The following CHRM3 variants were observed in gnomAD, a reference collection of about 807,000 sequenced individuals.
CHRM3 encodes cholinergic receptor muscarinic 3, also known as muscarinic acetylcholine receptor M3.
Under a neutral mutation model 41.8 loss-of-function variants are expected in CHRM3, and 11 were observed. That is an observed-to-expected ratio of 0.26 (90% CI 0.17 to 0.44). CHRM3 has a LOEUF of 0.44. Among genes scored for constraint, CHRM3 ranks in the 20% least tolerant of loss-of-function variants. The probability of loss-of-function intolerance (pLI) is 1.00; values close to 1 mark genes in which losing one functional copy is unlikely to be tolerated. For synonymous variants in CHRM3, 297 were observed against 301.4 expected, an observed-to-expected ratio of 0.99 and a Z score of 0.15; for missense variants, 571 against 745.4, an observed-to-expected ratio of 0.77 and a Z score of 2.72.
intron 1 of CHRM3, among the ~76,000 whole-genome samples, chr1:239,489,305 A>G (rs953646678): frequency 6.6e-6 from 1 of 151,966 alleles, no homozygotes; most frequent in Non-Finnish European, 1.5e-5. Flanking sequence ...CCAGCTACTC[A>G]GGAGGCTGAG....
intron 4 of CHRM3, among the ~76,000 whole-genome samples, chr1:239,651,877 G>A (rs920189964): frequency 4.6e-5 from 7 of 151,986 alleles, no homozygotes; most frequent in Admixed American, 2.6e-4. Context: ...GCAAAGCAAG[G>A]TTGAGGGGAA....
At chr1:239,761,549 A>G (rs1052218968) in intron 5 of CHRM3, among the ~76,000 whole-genome samples, 1 of 152,194 alleles carries the variant, frequency 6.6e-6, no homozygotes, top group Non-Finnish European at 1.5e-5. Context: ...CAAATTGGAA[A>G]CAGTTCAGTC....
chr1:239,388,727 G>A (rs974108356), intron 1 of CHRM3, among the ~76,000 whole-genome samples: 1 of 152,206 alleles, frequency 6.6e-6, no homozygotes, highest in Non-Finnish European at 1.5e-5. Flanking sequence ...TGTTATAAGA[G>A]CTGATATCCC....
chr1:239,852,460 T>C (rs2149228747), intron 6 of CHRM3, among the ~76,000 whole-genome samples: 1 of 152,296 alleles, frequency 6.6e-6, no homozygotes, highest in African/African-American at 2.4e-5. Flanking sequence ...TCCTCATTTA[T>C]ATTCTTTGAA....
chr1:239,857,647 A>G (rs1327620405), intron 6 of CHRM3, among the ~76,000 whole-genome samples: 1 of 152,210 alleles, frequency 6.6e-6, no homozygotes, highest in Non-Finnish European at 1.5e-5. Context: ...CTGATTATTT[A>G]GCGATGCCAG....
At chr1:239,435,950 C>A (rs1006969172) in intron 1 of CHRM3, among the ~76,000 whole-genome samples, 1 of 152,056 alleles carries the variant, frequency 6.6e-6, no homozygotes, top group African/African-American at 2.4e-5. Context: ...GAAAACGTTT[C>A]TTTGGGGGCT....
At chr1:239,900,242 G>A (rs895006051) in intron 6 of CHRM3, among the ~76,000 whole-genome samples, 3 of 151,190 alleles carry the variant, frequency 2.0e-5, no homozygotes, top group African/African-American at 7.4e-5. Context: ...TCTTAGCCCG[G>A]GGTTATCACT....
intron 4 of CHRM3, among the ~76,000 whole-genome samples, chr1:239,668,917 C>T (rs547417502): frequency 1.6e-4 from 25 of 152,256 alleles, no homozygotes; most frequent in African/African-American, 5.1e-4. Context: ...CACTTTACAC[C>T]GCACTAAGAA....
At chr1:239,877,459 G>A (rs1376180839) in intron 6 of CHRM3, among the ~76,000 whole-genome samples, 1 of 152,066 alleles carries the variant, frequency 6.6e-6, no homozygotes, top group African/African-American at 2.4e-5. Context: ...AAAATGAATG[G>A]CTTTCAACTA....
intron 6 of CHRM3, among the ~76,000 whole-genome samples, chr1:239,849,231 A>G (rs1482214328): frequency 3.9e-5 from 6 of 152,194 alleles, no homozygotes; most frequent in African/African-American, 9.6e-5. Context: ...CAACACATCA[A>G]TGGAGGAAGA....
chr1:239,632,395 C>A (rs985729729), intron 4 of CHRM3, 109 bp downstream of exon 4: 1 of 152,200 alleles, frequency 6.6e-6, no homozygotes, highest in Non-Finnish European at 1.5e-5. Flanking sequence ...GTGTTTTCAA[C>A]ATGATGTACA....
chr1:239,699,209 G>C (rs1036155570), intron 5 of CHRM3, among the ~76,000 whole-genome samples: 6 of 151,886 alleles, frequency 4.0e-5, no homozygotes, highest in Non-Finnish European at 8.8e-5. Context: ...ACTCATTTTT[G>C]AGTAGTATTA....
intron 6 of CHRM3, among the ~76,000 whole-genome samples, chr1:239,899,182 A>G (rs1051161846): frequency 6.6e-6 from 1 of 152,018 alleles, no homozygotes; most frequent in African/African-American, 2.4e-5. Flanking sequence ...ATTATGTGGT[A>G]TGCATTCTGA....
At chr1:239,713,124 C>A (rs183689969) in intron 5 of CHRM3, among the ~76,000 whole-genome samples, 1 of 152,080 alleles carries the variant, frequency 6.6e-6, no homozygotes, top group African/African-American at 2.4e-5. Context: ...CATTTCTGTG[C>A]GGTAGAAGAC....
chr1:239,866,893 C>T (rs987487725), intron 6 of CHRM3, among the ~76,000 whole-genome samples: 8 of 152,194 alleles, frequency 5.3e-5, no homozygotes, highest in Non-Finnish European at 8.8e-5. Context: ...CAACAACCAT[C>T]TGATAAAATA....
At chr1:239,529,319 A>G (rs1670207121) in intron 2 of CHRM3, among the ~76,000 whole-genome samples, 1 of 152,058 alleles carries the variant, frequency 6.6e-6, no homozygotes, top group South Asian at 2.1e-4. Flanking sequence ...ACATTATAAG[A>G]TGCCTTTTTG....
intron 3 of CHRM3, among the ~76,000 whole-genome samples, chr1:239,612,145 A>C (rs1362403040): frequency 6.6e-6 from 1 of 152,080 alleles, no homozygotes; most frequent in African/African-American, 2.4e-5. Flanking sequence ...TTTTTGTTAG[A>C]TCTCAGCATT....
chr1:239,489,648 G>T (rs1667430520), intron 1 of CHRM3, among the ~76,000 whole-genome samples: 1 of 151,962 alleles, frequency 6.6e-6, no homozygotes, highest in South Asian at 2.1e-4. Flanking sequence ...TATGTTTTTT[G>T]CTATTTTGGG....
chr1:239,588,132 A>G (rs990189667), intron 3 of CHRM3, among the ~76,000 whole-genome samples: 25 of 152,246 alleles, frequency 1.6e-4, no homozygotes, highest in African/African-American at 6.0e-4. Flanking sequence ...TCTAATTTTA[A>G]ACAAACTTGA....
Sources: allele counts gnomAD v4.1 joint callset (sites outside exome capture counted in the v4.1 genomes callset), GRCh38; gene constraint gnomAD v4.1.1; transcripts MANE v1.5; gene names NCBI Gene and HGNC (gene_info 2026-07-23, HGNC 2026-07-21).